Variants in SETBP1 observed in about 807,000 individuals in gnomAD.
SETBP1 encodes the protein SET binding protein 1.
In SETBP1, 9 loss-of-function variants were observed where a neutral mutation model predicts 101.0. The ratio of observed to expected loss-of-function variants is 0.09; its 90% CI spans 0.05 to 0.16. The LOEUF (loss-of-function observed/expected upper bound fraction) is 0.16, where lower values mean the gene tolerates loss of function less well. SETBP1 is among the 10% of genes least tolerant of loss of function. The pLI, the probability that SETBP1 is intolerant of heterozygous loss-of-function variation, is 1.00. For missense variants in SETBP1, 1,858 were observed against 2,033.8 expected (o/e 0.91, Z 1.66); for synonymous variants, 818 against 788.5 (o/e 1.04, Z -0.63).
intron 5 of SETBP1, among the ~76,000 whole-genome samples, chr18:45,040,184 T>A (rs966858561): frequency 6.6e-6 from 1 of 152,172 alleles, no homozygotes; most frequent in East Asian, 1.9e-4. Context: ...AATATGATCA[T>A]GAGCCTTCAC....
chr18:44,839,220 A>G (rs766278272), intron 2 of SETBP1, among the ~76,000 whole-genome samples: 1 of 152,238 alleles, frequency 6.6e-6, no homozygotes, highest in Non-Finnish European at 1.5e-5. Context: ...ACGAGTGTAG[A>G]TGAACCCCAG....
chr18:44,866,063 G>A (rs1327608550), intron 2 of SETBP1, among the ~76,000 whole-genome samples: 1 of 152,188 alleles, frequency 6.6e-6, no homozygotes, highest in Non-Finnish European at 1.5e-5. Flanking sequence ...CCAGTGCAAG[G>A]GGTGAGACCA....
chr18:44,734,835 A>C (rs761651661), intron 2 of SETBP1, among the ~76,000 whole-genome samples: 25 of 152,088 alleles, frequency 1.6e-4, no homozygotes, highest in Non-Finnish European at 3.4e-4. Flanking sequence ...GCTTTCTCTT[A>C]TTTAGGTTAG....
intron 2 of SETBP1, among the ~76,000 whole-genome samples, chr18:44,784,270 A>C (rs376592410): frequency 6.6e-6 from 1 of 152,320 alleles, no homozygotes; most frequent in East Asian, 1.9e-4. Flanking sequence ...GGATGTCCCC[A>C]TCTTTTTTCA....
chr18:44,955,882 T>C (rs1428934546), intron 4 of SETBP1, among the ~76,000 whole-genome samples: 2 of 152,190 alleles, frequency 1.3e-5, no homozygotes, highest in East Asian at 3.9e-4. Context: ...AGAGAATAGT[T>C]AAGGAAAGAA....
chr18:44,789,796 A>G (rs1445758725), intron 2 of SETBP1, among the ~76,000 whole-genome samples: 2 of 152,184 alleles, frequency 1.3e-5, no homozygotes, highest in Non-Finnish European at 2.9e-5. Context: ...CACTCCTCCC[A>G]CATTCCTGAA....
chr18:44,683,733 G>GT (rs1568088140), intron 1 of SETBP1, among the ~76,000 whole-genome samples: 1 of 152,184 alleles, frequency 6.6e-6, no homozygotes, highest in East Asian at 1.9e-4. Context: ...CAGAATGCCA[G>GT]TTTTTTCCTT....
At chr18:44,910,323 G>A (rs756774541) in intron 3 of SETBP1, among the ~76,000 whole-genome samples, 5 of 152,168 alleles carry the variant, frequency 3.3e-5, no homozygotes, top group Admixed American at 1.3e-4. Context: ...AGGGGTGAGC[G>A]GAGGGATGAC....
intron 2 of SETBP1, among the ~76,000 whole-genome samples, chr18:44,856,767 T>C (rs958850256): frequency 6.6e-6 from 1 of 152,200 alleles, no homozygotes; most frequent in African/African-American, 2.4e-5. Flanking sequence ...GAGGAAAGCC[T>C]TAGAGTGAGT....
chr18:44,741,725 G>A (rs1211541683), intron 2 of SETBP1, among the ~76,000 whole-genome samples: 1 of 152,136 alleles, frequency 6.6e-6, no homozygotes, highest in East Asian at 1.9e-4. Context: ...AAATAGCCAT[G>A]TTCAAATTAT....
chr18:44,836,293 AT>A lies in SETBP1; in HGVS notation c.487-32933del, dbSNP rs1454919811. ...TTTCTTTGCTTAACCTGCTGCCTTC[AT>A]TTTATTAGAGTCTCATGCCTTTTCC... is the stretch of plus-strand genomic sequence containing the variant. On this transcript the variant is annotated intron_variant, in intron 2 of 5. Coordinates refer to ENST00000649279, the MANE Select transcript of SETBP1 (RefSeq NM_015559.3). 2.6e-5 allele frequency among the ~76,000 whole-genome samples: 4 copies of A among 152,276 alleles called. No individual in the cohort carries two copies. The South Asian group carries it at 8.3e-4, about 32-fold the overall frequency.
At chr18:44,738,482 A>G (rs907322336) in intron 2 of SETBP1, among the ~76,000 whole-genome samples, 2 of 152,178 alleles carry the variant, frequency 1.3e-5, no homozygotes, top group African/African-American at 2.4e-5. Context: ...TGCAGCTTGA[A>G]AGAAGGAAAG....
chr18:44,701,323 C>A lies in SETBP1; in HGVS notation c.-24C>A. The A allele has an allele frequency of 6.8e-7, 1 of 1,460,072 alleles. No individual in the cohort carries two copies. 90.4% of individuals were successfully genotyped at this position (1,460,072 alleles called of 1,614,324 possible). A position where few individuals can be genotyped will look rare whatever the true frequency, so the allele number is the denominator to read the frequency against. The stretch of plus-strand genomic sequence containing the variant: ...CTTTTCCCCTTCCCCCTCCTGAGAA[C>A]TCCGGAAGACTGTAGAGATTGTCAT... On this transcript the variant is annotated 5_prime_UTR_variant, in exon 2 of 6. Coordinates refer to ENST00000649279, the MANE Select transcript of SETBP1 (RefSeq NM_015559.3).
intron 4 of SETBP1, among the ~76,000 whole-genome samples, chr18:44,977,746 A>T (rs999826561): frequency 6.6e-6 from 1 of 152,198 alleles, no homozygotes; most frequent in Non-Finnish European, 1.5e-5. Flanking sequence ...GCCGATAAAC[A>T]TGGGTGTTTC....
In SETBP1 at chr18:44,969,673, C is replaced by G. The variant is rs116551754; in HGVS notation, c.4000+16333C>G. Among the ~76,000 whole-genome samples the G allele has an allele frequency of 6.7e-3, 1,016 of 152,280 alleles. 10 individuals carry two copies. The highest frequency in any genetic ancestry group is 0.023 in the African/African-American group (948 of 41,540). On this transcript the variant is annotated intron_variant, in intron 4 of 5. Transcript: ENST00000649279. ...GAAACCCCATCTGTCCCTCCTACACCAAGTACCAACTCCAGGAAGCTGTGA... is the reference window on the plus strand; with the variant it reads ...GAAACCCCATCTGTCCCTCCTACACGAAGTACCAACTCCAGGAAGCTGTGA...
At chr18:44,911,801 G>A (rs772394304) in intron 3 of SETBP1, among the ~76,000 whole-genome samples, 1 of 152,138 alleles carries the variant, frequency 6.6e-6, no homozygotes, top group Non-Finnish European at 1.5e-5. Context: ...ATATTTACCA[G>A]CACTTGACTA....
At chr18:45,030,632 A>G (rs1487376585) in intron 4 of SETBP1, among the ~76,000 whole-genome samples, 2 of 150,046 alleles carry the variant, frequency 1.3e-5, no homozygotes, top group African/African-American at 5.0e-5. Flanking sequence ...CTGTGAATCC[A>G]TCTGGTCCTG....
At chr18:44,974,988 C>A (rs776972712) in intron 4 of SETBP1, among the ~76,000 whole-genome samples, 2 of 152,176 alleles carry the variant, frequency 1.3e-5, no homozygotes, top group African/African-American at 2.4e-5. Flanking sequence ...CACAAAGGCA[C>A]TTTTTGAAAT....
chr18:44,742,075 T>C (rs926433056), intron 2 of SETBP1, among the ~76,000 whole-genome samples: 1 of 152,244 alleles, frequency 6.6e-6, no homozygotes. Context: ...CTGGTGGTCT[T>C]GCTCAAGTCT....
Sources: gnomAD v4.1 joint callset for allele counts (sites outside exome capture counted in the v4.1 genomes callset) on GRCh38, gnomAD v4.1.1 for gene constraint, MANE v1.5 for transcripts, NCBI Gene and HGNC (gene_info 2026-07-23, HGNC 2026-07-21) for gene names.